Variants in ZBTB11 observed in about 807,000 individuals in gnomAD.
ZBTB11 encodes the protein zinc finger and BTB domain containing 11, also known as zinc finger and BTB domain-containing protein 11.
A neutral mutation model predicts 113.1 loss-of-function variants in ZBTB11; 68 were observed. That is an observed-to-expected ratio of 0.60 (90% CI 0.49 to 0.74). The LOEUF (loss-of-function observed/expected upper bound fraction) is 0.74. Ranked by LOEUF, ZBTB11 falls within the 30% of genes least tolerant of loss-of-function variation. ZBTB11 has a pLI of 0.00. For synonymous variants in ZBTB11, 518 were observed against 452.6 expected (o/e 1.14, Z -1.83); for missense variants, 1,104 against 1,279.4 (o/e 0.86, Z 2.09).
chr3:101,665,592 T>C lies in ZBTB11; in HGVS notation c.995A>G (p.Asp332Gly). ...GEVQTVASTQ[D>G]LRVQNGGTAP... Reference sequence around the variant, plus strand: ...TGTACCTCCATTCTGTACTCGTAAGTCCTGGGTGGATGCAACTGTTTGTAC... The same window carrying C: ...TGTACCTCCATTCTGTACTCGTAAGCCCTGGGTGGATGCAACTGTTTGTAC... The change falls in exon 4 of 11, where the codon GAC becomes GGC. Residue 332 changes from aspartate to glycine, a missense_variant. Coordinates refer to ENST00000312938, the MANE Select transcript of ZBTB11 (RefSeq NM_014415.4). The C allele has an allele frequency of 6.2e-7, 1 of 1,614,236 alleles. No homozygotes were observed.
chr3:101,672,817 G>A (rs556054984), intron 1 of ZBTB11, among the ~76,000 whole-genome samples: 3 of 152,286 alleles, frequency 2.0e-5, no homozygotes, highest in South Asian at 4.1e-4. Flanking sequence ...TTGCACACAT[G>A]TGATGTGTAC....
At chr3:101,661,930 G>A (rs1305848432) in intron 5 of ZBTB11, 5 of 151,646 alleles carry the variant, frequency 3.3e-5, no homozygotes, top group African/African-American at 1.2e-4. Context: ...TATTTTCTGG[G>A]AGATTTCATT....
rs751703438 is a variant in ZBTB11, at chr3:101,665,279, A to G, written c.1308T>C (p.Asn436=). 6.2e-7 allele frequency: 1 copy of G among 1,614,228 alleles called. No individual in the cohort carries two copies. Among genetic ancestry groups the G allele is most frequent in the South Asian group, 1.1e-5 (1 of 91,090 alleles). The change falls in exon 4 of 11, where the codon AAT becomes AAC. Residue 436 remains asparagine, a synonymous_variant. Transcript: ENST00000312938. The part of the protein sequence containing the change: ...SNNRENNTVS[N]IHPKLSKENV... ...TCTCTTTTGAAAGTTTAGGGTGTAT[A>G]TTAGAAACTGTGTTATTTTCTCTGT...
At chr3:101,656,934 G>A (rs1180458386) in intron 6 of ZBTB11, among the ~76,000 whole-genome samples, 7 of 151,090 alleles carry the variant, frequency 4.6e-5, no homozygotes, top group African/African-American at 1.7e-4. Context: ...AGGAGTTCGT[G>A]ACCAGCCTGG....
chr3:101,672,606 C>T (rs151077342), intron 1 of ZBTB11, among the ~76,000 whole-genome samples: 1 of 152,348 alleles, frequency 6.6e-6, no homozygotes, highest in East Asian at 1.9e-4. Context: ...ATCCCAGCTA[C>T]TCTGGAGGCT....
At position 101,654,808 on chromosome 3, in the gene ZBTB11, G is replaced by A; in HGVS notation, c.2205C>T (p.Tyr735=). 6.2e-7 allele frequency: 1 copy of A among 1,613,814 alleles called. No homozygotes were observed. Among genetic ancestry groups the A allele is most frequent in the Non-Finnish European group, 8.5e-7 (1 of 1,179,864 alleles). ...AAGACTTTCCACAAACTGAGCAAAG[G>A]TACTTGGACTCTCCTATTAGAAAAA... The part of the protein sequence containing the change: ...HMSIHTGESK[Y]LCSVCGKSFH... The change falls in exon 8 of 11, where the codon TAC becomes TAT. Residue 735 remains tyrosine (Y), a synonymous_variant. Transcript: ENST00000312938.
rs928409300 is a variant in ZBTB11, at chr3:101,662,221, G to A, written c.1801-2193C>T. 2.0e-5 allele frequency: 3 copies of A among 151,598 alleles called. No homozygotes were observed. In the East Asian group the frequency reaches 5.8e-4, roughly 29 times the overall value. 9.4% of individuals were successfully genotyped at this position (151,598 alleles called of 1,614,324 possible). A position where few individuals can be genotyped will look rare whatever the true frequency, so the allele number is the denominator to read the frequency against. ...GAGACAGGGTCTCGCTATATTGCCT[G>A]GTCTTGAACTCCTGGGCTCAAGTGA... On this transcript the variant is annotated intron_variant, in intron 5 of 10. Transcript: ENST00000312938.
chr3:101,671,051 C>A, intron 3 of ZBTB11, 79 bp downstream of exon 3: 1 of 1,196,634 alleles, frequency 8.4e-7, no homozygotes. Context: ...GCATAAAGTC[C>A]GTGTGTGGAA....
At chr3:101,671,413 C>A (rs1241102186) in intron 2 of ZBTB11, 52 bp from the exon 3 acceptor site, 3 of 1,366,212 alleles carry the variant, frequency 2.2e-6, no homozygotes, top group Non-Finnish European at 3.1e-6. Flanking sequence ...TATTTTTTAC[C>A]CTTAACAAGC....
At chr3:101,655,405 T>G (rs1936778782) in intron 7 of ZBTB11, among the ~76,000 whole-genome samples, 1 of 152,238 alleles carries the variant, frequency 6.6e-6, no homozygotes, top group Non-Finnish European at 1.5e-5. Context: ...GCAGCAGGTA[T>G]CTACCCTTCA....
At chr3:101,676,542 C>G in intron 1 of ZBTB11, 63 bp downstream of exon 1, 1 of 1,421,026 alleles carries the variant, frequency 7.0e-7, no homozygotes, top group Non-Finnish European at 9.2e-7. Flanking sequence ...ATAGGCCTCG[C>G]CAGCGAGCCT....
intron 3 of ZBTB11, among the ~76,000 whole-genome samples, chr3:101,669,012 G>A (rs750544161): frequency 4.0e-5 from 6 of 151,180 alleles, no homozygotes; most frequent in East Asian, 1.9e-4. Flanking sequence ...CTAAGATACC[G>A]TAAATGACAC....
Position 101,650,934 on chromosome 3 carries a change from G to C in ZBTB11, c.*232C>G. On this transcript the variant is annotated 3_prime_UTR_variant, in exon 11 of 11. Coordinates refer to ENST00000312938, the MANE Select transcript of ZBTB11 (RefSeq NM_014415.4). ...ACCACTGCCATCAAATATTAGGTTG[G>C]TGCAAAAGCAATTGCACCAACCTAA... is the stretch of plus-strand genomic sequence containing the variant. 2.7e-6 allele frequency: 1 copy of C among 368,826 alleles called. No homozygotes were observed. The highest frequency in any genetic ancestry group is 4.9e-6 in the Non-Finnish European group (1 of 205,728). The allele number at this position is 368,826 out of a possible 1,614,324, so 22.8% of individuals were successfully genotyped here. A position where few individuals can be genotyped will look rare whatever the true frequency, so the allele number is the denominator to read the frequency against.
In ZBTB11 at chr3:101,650,293, A is replaced by AGTTT. The variant is rs531913501; in HGVS notation, c.*869_*872dup. ...CAAAAGCTGAAAACATACCAAATCT[A>AGTTT]GTTTGTTTGTTCATTAACTTGTTCA... On this transcript the variant is annotated 3_prime_UTR_variant, in exon 11 of 11. Coordinates refer to ENST00000312938, the MANE Select transcript of ZBTB11 (RefSeq NM_014415.4). The AGTTT allele has an allele frequency of 6.6e-6, 1 of 152,292 alleles. No individual in the cohort carries two copies. Among genetic ancestry groups the AGTTT allele is most frequent in the East Asian group, 1.9e-4 (1 of 5,206 alleles). 9.4% of individuals were successfully genotyped at this position (152,292 alleles called of 1,614,324 possible).
At chr3:101,672,286 A>T in intron 1 of ZBTB11, 73 bp from the exon 2 acceptor site, 1 of 1,012,538 alleles carries the variant, frequency 9.9e-7, no homozygotes, top group Admixed American at 2.5e-5. Context: ...TAGTCTGTGC[A>T]CATTAACACA....
intron 1 of ZBTB11, among the ~76,000 whole-genome samples, chr3:101,672,815 ATG>A (rs1206164002): frequency 1.3e-5 from 2 of 152,186 alleles, no homozygotes; most frequent in Non-Finnish European, 2.9e-5. Flanking sequence ...ATTTGCACAC[ATG>A]TGATGTGTAC....
chr3:101,651,752 A>G, intron 10 of ZBTB11, 69 bp from the exon 11 acceptor site: 1 of 1,449,188 alleles, frequency 6.9e-7, no homozygotes, highest in South Asian at 1.5e-5. Context: ...ACTGCCTACC[A>G]AACTTCCTTT....
In ZBTB11 at chr3:101,671,197, C is replaced by G; in HGVS notation, c.711G>C (p.Glu237Asp). The G allele has an allele frequency of 6.2e-7, 1 of 1,614,158 alleles. No individual in the cohort carries two copies. The highest frequency in any genetic ancestry group is 8.5e-7 in the Non-Finnish European group (1 of 1,180,028). ...AHKSVLSANS[E>D]YFRDLFIEKG... ...TCTCAATAAAAAGATCTCGAAAATA[C>G]TCGCTATTTGCTGACAAAACAGATT... is the stretch of plus-strand genomic sequence containing the variant. Residue 237 changes from glutamate (E) to aspartate (D), a missense_variant, in exon 3 of 11, where the codon GAG becomes GAC. Around this residue, in one of 5 missense-constraint regions of ZBTB11, gnomAD observed 86 missense variants for 131.0 expected, o/e 0.66. Transcript: ENST00000312938.
At chr3:101,671,545 T>C in intron 2 of ZBTB11, 184 bp from the exon 3 acceptor site, 1 of 599,252 alleles carries the variant, frequency 1.7e-6, no homozygotes, top group Non-Finnish European at 2.9e-6. Context: ...GCCATGTTCA[T>C]TCTACCTCAC....
Sources: allele counts gnomAD v4.1 joint callset (sites outside exome capture counted in the v4.1 genomes callset), GRCh38; gene constraint gnomAD v4.1.1; regional missense constraint gnomAD v4.1.1; transcripts MANE v1.5; gene names NCBI Gene and HGNC (gene_info 2026-07-23, HGNC 2026-07-21).